Variants in CCDC91 observed in about 807,000 individuals in gnomAD.
CCDC91 encodes the protein coiled-coil domain-containing protein 91.
In CCDC91, 48 loss-of-function variants were observed where a neutral mutation model predicts 63.2. That is an observed-to-expected ratio of 0.76 (90% CI 0.60 to 0.97). The LOEUF is 0.97. Ranked by LOEUF, CCDC91 falls within the 50% of genes least tolerant of loss-of-function variation. The pLI, the probability that CCDC91 is intolerant of heterozygous loss-of-function variation, is 0.00. For synonymous variants in CCDC91, 167 were observed against 165.8 expected, an observed-to-expected ratio of 1.01 and a Z score of -0.06; for missense variants, 500 against 494.6, an observed-to-expected ratio of 1.01 and a Z score of -0.10.
At chr12:28,229,117 A>G (rs1944440786) in intron 1 of CCDC91, among the ~76,000 whole-genome samples, 1 of 151,844 alleles carries the variant, frequency 6.6e-6, no homozygotes, top group Non-Finnish European at 1.5e-5. Context: ...AAACTGTATT[A>G]TGGGCAGTGT....
At chr12:28,387,199 A>G (rs1303989028) in intron 7 of CCDC91, among the ~76,000 whole-genome samples, 1 of 152,164 alleles carries the variant, frequency 6.6e-6, no homozygotes, top group East Asian at 1.9e-4. Flanking sequence ...AATAGTAGGG[A>G]CAGTTTTGGA....
At chr12:28,535,461 T>A (rs1942077554) in intron 12 of CCDC91, among the ~76,000 whole-genome samples, 1 of 152,236 alleles carries the variant, frequency 6.6e-6, no homozygotes, top group Non-Finnish European at 1.5e-5. Context: ...TGCATTTGCA[T>A]GAATTAATTG....
At chr12:28,291,516 T>G (rs1949247794) in intron 3 of CCDC91, among the ~76,000 whole-genome samples, 1 of 152,310 alleles carries the variant, frequency 6.6e-6, no homozygotes, top group African/African-American at 2.4e-5. Flanking sequence ...AAAGCTGTTG[T>G]GGATCATACC....
At chr12:28,444,901 A>T (rs1297517844) in intron 8 of CCDC91, among the ~76,000 whole-genome samples, 1 of 152,094 alleles carries the variant, frequency 6.6e-6, no homozygotes, top group Non-Finnish European at 1.5e-5. Context: ...GGATAGAAAG[A>T]TTAGAAATTT....
intron 6 of CCDC91, among the ~76,000 whole-genome samples, chr12:28,316,514 A>ATTT (rs1939873707): frequency 2.8e-5 from 1 of 35,132 alleles, no homozygotes; most frequent in South Asian, 7.0e-4. Flanking sequence ...CTTTCTTTTT[A>ATTT]TTTTATTTAT....
chr12:28,522,660 G>A (rs1272331151), intron 12 of CCDC91, among the ~76,000 whole-genome samples: 14 of 152,044 alleles, frequency 9.2e-5, no homozygotes, highest in Non-Finnish European at 1.9e-4. Flanking sequence ...TTTTAATTGT[G>A]ATGTTAGGGT....
intron 8 of CCDC91, among the ~76,000 whole-genome samples, chr12:28,446,971 A>T (rs1198604255): frequency 1.3e-5 from 2 of 152,092 alleles, no homozygotes; most frequent in Non-Finnish European, 2.9e-5. Flanking sequence ...GCAGTCCATG[A>T]TTGTTTTCTG....
intron 12 of CCDC91, among the ~76,000 whole-genome samples, chr12:28,503,094 A>C (rs1161144401): frequency 6.6e-6 from 1 of 152,238 alleles, no homozygotes; most frequent in African/African-American, 2.4e-5. Flanking sequence ...GGATCTAATT[A>C]AACTAAAGAG....
chr12:28,406,631 C>T (rs540286360), intron 8 of CCDC91, among the ~76,000 whole-genome samples: 1 of 151,998 alleles, frequency 6.6e-6, no homozygotes, highest in Non-Finnish European at 1.5e-5. Context: ...TATATGAAAT[C>T]CAACTCATCA....
chr12:28,291,640 C>T (rs1348371970), intron 3 of CCDC91, among the ~76,000 whole-genome samples: 1 of 152,094 alleles, frequency 6.6e-6, no homozygotes, highest in African/African-American at 2.4e-5. Context: ...TGCCAGTTGT[C>T]ATATAAAATC....
intron 12 of CCDC91, among the ~76,000 whole-genome samples, chr12:28,536,001 C>T (rs1413036938): frequency 1.3e-5 from 2 of 148,228 alleles, no homozygotes; most frequent in East Asian, 4.0e-4. Context: ...TGCATTCCAG[C>T]GTGGGTGACA....
At chr12:28,336,347 G>A (rs1010270455) in intron 6 of CCDC91, among the ~76,000 whole-genome samples, 6 of 152,086 alleles carry the variant, frequency 3.9e-5, no homozygotes, top group South Asian at 2.1e-4. Flanking sequence ...GGACGTATCC[G>A]TATTATTTTA....
chr12:28,242,892 C>A (rs946463593), intron 1 of CCDC91, among the ~76,000 whole-genome samples: 1 of 152,036 alleles, frequency 6.6e-6, no homozygotes, highest in African/African-American at 2.4e-5. Flanking sequence ...GTAGCGCCTG[C>A]CCCCCTCTTG....
At chr12:28,406,665 T>C (rs978754094) in intron 8 of CCDC91, among the ~76,000 whole-genome samples, 1 of 152,170 alleles carries the variant, frequency 6.6e-6, no homozygotes, top group African/African-American at 2.4e-5. Flanking sequence ...GGTTATAATT[T>C]GGGTGTCTTA....
At chr12:28,497,080 G>C (rs965658453) in intron 12 of CCDC91, among the ~76,000 whole-genome samples, 27 of 150,746 alleles carry the variant, frequency 1.8e-4, no homozygotes, top group African/African-American at 6.5e-4. Flanking sequence ...TTCATAGAAT[G>C]ATGGCCACCA....
rs1180236526 is a variant in CCDC91, at chr12:28,338,382, A to C, written c.577-24056A>C. Among the ~76,000 whole-genome samples, 86 of 150,690 alleles carry C rather than the reference A, an allele frequency of 5.7e-4. 2 individuals carry two copies. In the Admixed American group the frequency reaches 5.7e-3, roughly 10 times the overall value. On this transcript the variant is annotated intron_variant, in intron 6 of 12. Coordinates refer to ENST00000536442, the MANE Select transcript of CCDC91 (RefSeq NM_018318.5). ...TGTGCACAATGTGCAGGTTTGTTAC[A>C]TATGTATACATGTGCCATGTAGGTG...
chr12:28,441,843 T>A (rs762627662), intron 8 of CCDC91, among the ~76,000 whole-genome samples: 1 of 151,720 alleles, frequency 6.6e-6, no homozygotes, highest in Non-Finnish European at 1.5e-5. Context: ...TTTTGGGTAA[T>A]GAAAATATTC....
rs559425579 is a variant in CCDC91, at chr12:28,336,058, C to CA, written c.577-26380_577-26379insA. On this transcript the variant is annotated intron_variant, in intron 6 of 12. Coordinates refer to ENST00000536442, the MANE Select transcript of CCDC91 (RefSeq NM_018318.5). Reference sequence around the variant, plus strand: ...ATTATCAGAGAGTAAATTTGAACTACTTTTTTTTTTTACCCTTAATCCCCT... The same window carrying CA: ...ATTATCAGAGAGTAAATTTGAACTACATTTTTTTTTTTACCCTTAATCCCCT... Among the ~76,000 whole-genome samples the CA allele has an allele frequency of 2.7e-5, 4 of 148,304 alleles. No homozygotes were observed. In the East Asian group the frequency reaches 7.9e-4, roughly 29 times the overall value.
chr12:28,406,277 TAA>T (rs58830565), intron 8 of CCDC91, among the ~76,000 whole-genome samples: 56 of 128,788 alleles, frequency 4.3e-4, no homozygotes, highest in East Asian at 1.1e-3. Context: ...GTTCTTCCAA[TAA>T]AAAAAAAAAA....
Sources: allele counts gnomAD v4.1 joint callset (sites outside exome capture counted in the v4.1 genomes callset), GRCh38; gene constraint gnomAD v4.1.1; transcripts MANE v1.5; gene names NCBI Gene and HGNC (gene_info 2026-07-23, HGNC 2026-07-21).